RPS6KA2: variants seen among roughly 807,000 people sequenced by gnomAD.
RPS6KA2 encodes ribosomal protein S6 kinase A2, also known as ribosomal protein S6 kinase alpha-2.
In RPS6KA2, 42 loss-of-function variants were observed where a neutral mutation model predicts 91.8. The ratio of observed to expected loss-of-function variants is 0.46; its 90% CI spans 0.36 to 0.59. The LOEUF is 0.59. RPS6KA2 is among the 20% of genes least tolerant of loss of function. The pLI is 0.00. For missense variants in RPS6KA2, 798 were observed against 978.5 expected, an observed-to-expected ratio of 0.82 and a Z score of 2.46; for synonymous variants, 414 against 393.6, an observed-to-expected ratio of 1.05 and a Z score of -0.61.
chr6:166,853,065 G>A (rs1395512316), intron 2 of RPS6KA2, among the ~76,000 whole-genome samples: 17 of 152,200 alleles, frequency 1.1e-4, no homozygotes, highest in Non-Finnish European at 2.4e-4. Context: ...ACCTGGATCT[G>A]GTTTTATAAA....
intron 2 of RPS6KA2, among the ~76,000 whole-genome samples, chr6:166,766,623 A>C (rs898786211): frequency 1.3e-5 from 2 of 152,218 alleles, no homozygotes; most frequent in African/African-American, 4.8e-5. Flanking sequence ...CAGCTATCCC[A>C]AAAAGACATT....
rs77967986 is a variant in RPS6KA2, at chr6:166,615,990, A to G, written c.99+10931T>C. Among the ~76,000 whole-genome samples, 1,200 of 152,272 alleles carry G rather than the reference A, an allele frequency of 7.9e-3. 51 individuals are homozygous for G. In the East Asian group the frequency reaches 0.13, roughly 17 times the overall value. ...TTCAGCCTAAATGACGACGCTTTTT[A>G]GACACCCAATCCCTGTAACAGCAGT... On this transcript the variant is annotated intron_variant, in intron 1 of 20. Transcript: ENST00000265678.
At chr6:166,618,742 T>C (rs1786508211) in intron 1 of RPS6KA2, among the ~76,000 whole-genome samples, 1 of 152,222 alleles carries the variant, frequency 6.6e-6, no homozygotes, top group African/African-American at 2.4e-5. Context: ...ACATCTCTTC[T>C]CCTGCCTCAC....
Position 166,437,153 on chromosome 6 carries a change from A to G in RPS6KA2, c.1333-4663T>C, listed in dbSNP as rs1387965632. The stretch of plus-strand genomic sequence containing the variant: ...TGTGGCTACAGTCCTGGAGTACATG[A>G]CCTGGATCTGCTGCGGGCAGCCGGG... On this transcript the variant is annotated intron_variant, in intron 14 of 20. Coordinates refer to ENST00000265678, the MANE Select transcript of RPS6KA2 (RefSeq NM_021135.6). The surrounding 1 kb of genome is among the most constrained non-coding windows in gnomAD (Gnocchi z 4.3). 6.6e-6 allele frequency among the ~76,000 whole-genome samples: 1 copy of G among 151,898 alleles called. No individual in the cohort carries two copies. Among genetic ancestry groups the G allele is most frequent in the Admixed American group, 6.6e-5 (1 of 15,260 alleles).
intron 2 of RPS6KA2, among the ~76,000 whole-genome samples, chr6:166,700,076 T>C (rs560876785): frequency 1.3e-5 from 2 of 152,360 alleles, no homozygotes; most frequent in South Asian, 4.1e-4. Flanking sequence ...CATCTCTTCA[T>C]TGATGCACTT....
In RPS6KA2 at chr6:166,733,293, G is replaced by T. The variant is rs1335243964; in HGVS notation, c.123+124907C>A. ...AAAGTCACAGACCCTTTATGGACAT[G>T]CAGGACTGATGCCGCCACTGTCAGT... is the stretch of plus-strand genomic sequence containing the variant. On this transcript the variant is annotated intron_variant, in intron 2 of 21. Coordinates refer to the RPS6KA2 transcript ENST00000503859. The surrounding 1 kb of genome is among the most constrained non-coding windows in gnomAD (Gnocchi z 4.1). Among the ~76,000 whole-genome samples the T allele has an allele frequency of 6.6e-6, 1 of 152,220 alleles. No individual in the cohort carries two copies. The highest frequency in any genetic ancestry group is 2.4e-5 in the African/African-American group (1 of 41,458).
At chr6:166,798,524 C>G (rs1412572547) in intron 2 of RPS6KA2, among the ~76,000 whole-genome samples, 1 of 152,360 alleles carries the variant, frequency 6.6e-6, no homozygotes, top group East Asian at 1.9e-4. Context: ...GCTCCCTGTT[C>G]CGGCTGCAGG....
At chr6:166,461,677 G>A (rs184314008) in intron 11 of RPS6KA2, among the ~76,000 whole-genome samples, 184 of 152,186 alleles carry the variant, frequency 1.2e-3, no homozygotes, top group Middle Eastern at 0.01. Context: ...TTATGAGGAG[G>A]AATTTATTTA....
chr6:166,578,837 T>C (rs184364357), intron 1 of RPS6KA2, among the ~76,000 whole-genome samples: 99 of 152,304 alleles, frequency 6.5e-4, no homozygotes, highest in African/African-American at 2.3e-3. Context: ...AAAGTGTCAA[T>C]TGGCCCAGGA....
At position 166,590,650 on chromosome 6, in the gene RPS6KA2, G is replaced by T. The variant is rs140545600; in HGVS notation, c.99+36271C>A. Reference sequence around the variant, plus strand: ...CACACACGCACGTGCATAACTGAAAGCACGTCTATGTTAATGGGCTTTCCT... The same window carrying T: ...CACACACGCACGTGCATAACTGAAATCACGTCTATGTTAATGGGCTTTCCT... On this transcript the variant is annotated intron_variant, in intron 1 of 20. Coordinates refer to ENST00000265678, the MANE Select transcript of RPS6KA2 (RefSeq NM_021135.6). 2.2e-3 allele frequency among the ~76,000 whole-genome samples: 329 copies of T among 152,214 alleles called. 2 individuals carry two copies. Among genetic ancestry groups the T allele is most frequent in the South Asian group, 0.019 (92 of 4,820 alleles).
intron 2 of RPS6KA2, among the ~76,000 whole-genome samples, chr6:166,722,584 C>T (rs1464372023): frequency 6.6e-6 from 1 of 152,212 alleles, no homozygotes; most frequent in Non-Finnish European, 1.5e-5. Context: ...GTCCACCTGG[C>T]TTTGGGTCCG....
At position 166,632,480 on chromosome 6, in the gene RPS6KA2, C is replaced by T. The variant is rs185552701; in HGVS notation, c.124-93696G>A. Among the ~76,000 whole-genome samples the T allele has an allele frequency of 1.1e-3, 172 of 152,098 alleles. 1 individual carries two copies. Among genetic ancestry groups the T allele is most frequent in the African/African-American group, 3.9e-3 (161 of 41,500 alleles). On this transcript the variant is annotated intron_variant, in intron 2 of 21. Transcript: ENST00000503859. ...ATACAAAATTAGCCGGGCATGGTGGCGCATGCCTGTAATCCCAGCTACTCG... is the reference window on the plus strand; with the variant it reads ...ATACAAAATTAGCCGGGCATGGTGGTGCATGCCTGTAATCCCAGCTACTCG...
intron 2 of RPS6KA2, among the ~76,000 whole-genome samples, chr6:166,694,894 G>A (rs1332104866): frequency 6.6e-6 from 1 of 152,154 alleles, no homozygotes; most frequent in African/African-American, 2.4e-5. Flanking sequence ...CCTCCCAGCT[G>A]GGTTTTAGAT....
intron 2 of RPS6KA2, among the ~76,000 whole-genome samples, chr6:166,641,628 G>A (rs1179119617): frequency 1.4e-5 from 2 of 143,352 alleles, no homozygotes; most frequent in Non-Finnish European, 3.0e-5. Context: ...ACTGAGGCAG[G>A]AGAATAGTTT....
intron 6 of RPS6KA2, 116 bp downstream of exon 6, chr6:166,504,390 C>T: frequency 3.1e-6 from 2 of 636,268 alleles, no homozygotes; most frequent in Non-Finnish European, 5.4e-6. Flanking sequence ...CCAGCCTGCT[C>T]TCTGATATGT....
rs1030649607 is a variant in RPS6KA2 at position 166,455,213 on chromosome 6, T to G, written c.1076-3980A>C. On this transcript the variant is annotated intron_variant, in intron 12 of 20. Transcript: ENST00000265678. Reference sequence around the variant, plus strand: ...ACACGGTGCGGCAGGTGTGTGGGGGTGGGAGGCAGCTGCAGAGAACACGTG... The same window carrying G: ...ACACGGTGCGGCAGGTGTGTGGGGGGGGGAGGCAGCTGCAGAGAACACGTG... Among the ~76,000 whole-genome samples the G allele has an allele frequency of 7.2e-5, 11 of 151,838 alleles. No homozygotes were observed. In the East Asian group the frequency reaches 2.1e-3, roughly 29 times the overall value.
intron 1 of RPS6KA2, among the ~76,000 whole-genome samples, chr6:166,589,265 A>C (rs770850801): frequency 2.6e-5 from 4 of 152,196 alleles, no homozygotes; most frequent in Non-Finnish European, 5.9e-5. Context: ...CTCAACAGGA[A>C]ACCACGGTGC....
Position 166,786,388 on chromosome 6 carries a change from T to C in RPS6KA2, c.123+71812A>G, listed in dbSNP as rs150561774. Among the ~76,000 whole-genome samples, 131 of 152,176 alleles carry C rather than the reference T, an allele frequency of 8.6e-4. No individual in the cohort carries two copies. The Middle Eastern group carries it at 0.017, about 20-fold the overall frequency. On this transcript the variant is annotated intron_variant, in intron 2 of 21. Transcript: ENST00000503859. Reference sequence around the variant, plus strand: ...CCAGTTAAAAGGAGTTAATAGAGAATAATGATTGTTAATATGGCCATGAAA... The same window carrying C: ...CCAGTTAAAAGGAGTTAATAGAGAACAATGATTGTTAATATGGCCATGAAA...
chr6:166,833,543 C>A (rs756071040), intron 2 of RPS6KA2, among the ~76,000 whole-genome samples: 5 of 152,190 alleles, frequency 3.3e-5, no homozygotes, highest in Non-Finnish European at 5.9e-5. Flanking sequence ...TCCCTCATGT[C>A]CCTTTGTCAG....
Sources: gnomAD v4.1 joint callset for allele counts (sites outside exome capture counted in the v4.1 genomes callset) on GRCh38, gnomAD v4.1.1 for gene constraint, Gnocchi (gnomAD v3.1) non-coding constraint, MANE v1.5 for transcripts, NCBI Gene and HGNC (gene_info 2026-07-23, HGNC 2026-07-21) for gene names.